Variants in COG7 observed in about 807,000 individuals in gnomAD.
COG7 encodes the protein component of oligomeric golgi complex 7.
In COG7, 49 loss-of-function variants were observed where a neutral mutation model predicts 91.5. The observed-to-expected ratio is 0.54, with a 90% CI of 0.43 to 0.68. COG7 has a LOEUF of 0.68. Among genes scored for constraint, COG7 ranks in the 30% least tolerant of loss-of-function variants. The probability of loss-of-function intolerance (pLI) is 0.00; values close to 1 mark genes in which losing one functional copy is unlikely to be tolerated. For missense variants in COG7, 895 were observed against 961.3 expected (o/e 0.93, Z 0.91); for synonymous variants, 365 against 388.7 (o/e 0.94, Z 0.72).
At chr16:23,392,234 C>T (rs765122780) in intron 16 of COG7, 146 bp downstream of exon 16, 3 of 1,521,642 alleles carry the variant, frequency 2.0e-6, no homozygotes, top group Admixed American at 3.9e-5. Flanking sequence ...GCCTGGAGAA[C>T]CTGAATTTTC....
chr16:23,444,460 G>T (rs1026993468), intron 3 of COG7, among the ~76,000 whole-genome samples: 2 of 149,334 alleles, frequency 1.3e-5, no homozygotes, highest in Non-Finnish European at 3.0e-5. Flanking sequence ...CCACCCTCTC[G>T]TCCATTTACC....
At chr16:23,422,127 T>C (rs1330214578) in intron 7 of COG7, among the ~76,000 whole-genome samples, 6 of 151,842 alleles carry the variant, frequency 4.0e-5, no homozygotes, top group South Asian at 2.1e-4. Context: ...CTGAGCAAAA[T>C]AGGAAGACCC....
chr16:23,389,096 C>G lies in COG7; in HGVS notation c.2147-10G>C. ...ACGTTGATCAGATAGTCTGTGGGGGCGGAGAGGAGACAGACAGAGCTCCAC... is the reference window on the plus strand; with the variant it reads ...ACGTTGATCAGATAGTCTGTGGGGGGGGAGAGGAGACAGACAGAGCTCCAC... On this transcript the variant is annotated splice_polypyrimidine_tract_variant and intron_variant, in intron 16 of 16. Transcript: ENST00000307149. 6.2e-7 allele frequency: 1 copy of G among 1,613,066 alleles called. No homozygotes were observed. Among genetic ancestry groups the G allele is most frequent in the East Asian group, 2.2e-5 (1 of 44,838 alleles).
Position 23,417,100 on chromosome 16 carries a change from A to C in COG7, c.1159T>G (p.Cys387Gly). ...VPLEHGEVID[C>G]VQELSHSVNK... ...ACGGAGTGGCTCAGCTCCTGCACACAGTCAATCACTTCCCCATGCTCCTGG... is the reference window on the plus strand; with the variant it reads ...ACGGAGTGGCTCAGCTCCTGCACACCGTCAATCACTTCCCCATGCTCCTGG... Residue 387 changes from cysteine to glycine, a missense_variant, in exon 9 of 17, where the codon TGT (cysteine) becomes GGT (glycine). Physicochemically the swap from Cys to Gly is radical, Grantham distance 159. Transcript: ENST00000307149. 6.2e-7 allele frequency: 1 copy of C among 1,614,248 alleles called. No homozygotes were observed. Among genetic ancestry groups the C allele is most frequent in the South Asian group, 1.1e-5 (1 of 91,082 alleles).
At chr16:23,400,382 A>T (rs753531695) in intron 13 of COG7, among the ~76,000 whole-genome samples, 3 of 152,152 alleles carry the variant, frequency 2.0e-5, no homozygotes, top group Non-Finnish European at 2.9e-5. Flanking sequence ...GTCGGCAAAG[A>T]GGGGTGCAGC....
At chr16:23,424,629 A>G in intron 7 of COG7, 120 bp downstream of exon 7, 3 of 1,048,166 alleles carry the variant, frequency 2.9e-6, no homozygotes, top group Non-Finnish European at 4.5e-6. Context: ...GAAGGAAAAC[A>G]CCGATCCCTT....
chr16:23,451,747 G>A (rs909990995), intron 1 of COG7, among the ~76,000 whole-genome samples: 3 of 146,798 alleles, frequency 2.0e-5, no homozygotes, highest in African/African-American at 5.1e-5. Flanking sequence ...AAAAAAAAAG[G>A]TTTAAGTCTC....
At chr16:23,408,853 G>C (rs1376500906) in intron 11 of COG7, among the ~76,000 whole-genome samples, 1 of 151,818 alleles carries the variant, frequency 6.6e-6, no homozygotes, top group African/African-American at 2.4e-5. Context: ...TTAGGAGCAC[G>C]AATGGGGACA....
intron 7 of COG7, among the ~76,000 whole-genome samples, chr16:23,419,748 CAAAA>C (rs60636268): frequency 3.6e-5 from 2 of 55,248 alleles, no homozygotes; most frequent in Non-Finnish European, 3.6e-5. Flanking sequence ...GACTTCATCT[CAAAA>C]AAAAAAAAAA....
rs190709345 is a variant in COG7 at position 23,399,059 on chromosome 16, G to A, written c.1804-930C>T. Among the ~76,000 whole-genome samples, 1,100 of 152,246 alleles carry A rather than the reference G, an allele frequency of 7.2e-3. 36 individuals carry two copies. The highest frequency in any genetic ancestry group is 0.053 in the Admixed American group (811 of 15,294). ...CTGGCTGAACTCCGGGAGTGACTCC[G>A]GCGGTCATGTAGGAACTGCTGTCTG... is the stretch of plus-strand genomic sequence containing the variant. On this transcript the variant is annotated intron_variant, in intron 13 of 16. Coordinates refer to ENST00000307149, the MANE Select transcript of COG7 (RefSeq NM_153603.4).
chr16:23,424,755 G>A lies in COG7; in HGVS notation c.1003C>T (p.His335Tyr), dbSNP rs1256763937. ...AKGLEMALLPHLHEHNLVKVT... is the reference protein window; with the variant it reads ...AKGLEMALLPYLHEHNLVKVT... ...GGCAGGAAGGAATGTTTACGTAGGT[G>A]GGGGAGCAGTGCCATCTCCAAGCCC... The change falls in exon 7 of 17, where the codon CAC (histidine) becomes TAC (tyrosine). Residue 335 changes from histidine (H) to tyrosine (Y), a missense_variant. His to Tyr is a moderately conservative substitution (Grantham distance 83). Coordinates refer to ENST00000307149, the MANE Select transcript of COG7 (RefSeq NM_153603.4). 4 of 1,613,996 alleles carry A rather than the reference G, an allele frequency of 2.5e-6. No individual in the cohort carries two copies. Among genetic ancestry groups the A allele is most frequent in the Non-Finnish European group, 3.4e-6 (4 of 1,179,936 alleles).
Position 23,424,757 on chromosome 16 carries a change from G to A in COG7, c.1001C>T (p.Pro334Leu). The change falls in exon 7 of 17, where the codon CCC (proline) becomes CTC (leucine). Residue 334 changes from proline (P) to leucine (L), a missense_variant. Physicochemically the swap from Pro to Leu is moderately conservative, Grantham distance 98. Transcript: ENST00000307149. Reference sequence around the variant, plus strand: ...CAGGAAGGAATGTTTACGTAGGTGGGGGAGCAGTGCCATCTCCAAGCCCTT... The same window carrying A: ...CAGGAAGGAATGTTTACGTAGGTGGAGGAGCAGTGCCATCTCCAAGCCCTT... ...FAKGLEMALLPHLHEHNLVKV... is the reference protein window; with the variant it reads ...FAKGLEMALLLHLHEHNLVKV... 6.2e-7 allele frequency: 1 copy of A among 1,614,202 alleles called. No homozygotes were observed. The highest frequency in any genetic ancestry group is 8.5e-7 in the Non-Finnish European group (1 of 1,180,008).
At position 23,418,949 on chromosome 16, in the gene COG7, A is replaced by AT. The variant is rs1034933858; in HGVS notation, c.1010-123dup. ...CCATTTGATCTCCAGAGGGGACTATATTTTGTTAAGCAGCTTTTATCATTC... is the reference window on the plus strand; with the variant it reads ...CCATTTGATCTCCAGAGGGGACTATATTTTTGTTAAGCAGCTTTTATCATTC... On this transcript the variant is annotated intron_variant, in intron 7 of 16. Coordinates refer to ENST00000307149, the MANE Select transcript of COG7 (RefSeq NM_153603.4). 3 of 838,230 alleles carry AT rather than the reference A, an allele frequency of 3.6e-6. No homozygotes were observed. The African/African-American group carries it at 5.0e-5, about 14-fold the overall frequency. 51.9% of individuals were successfully genotyped at this position (838,230 alleles called of 1,614,324 possible). A position where few individuals can be genotyped will look rare whatever the true frequency, so the allele number is the denominator to read the frequency against.
intron 4 of COG7, among the ~76,000 whole-genome samples, chr16:23,437,694 C>T (rs1964033077): frequency 6.6e-6 from 1 of 152,106 alleles, no homozygotes; most frequent in East Asian, 1.9e-4. Flanking sequence ...AATACCAGGC[C>T]CAGAACAAAA....
intron 1 of COG7, chr16:23,446,895 GCA>G (rs967141656): frequency 1.3e-5 from 2 of 151,618 alleles, no homozygotes; most frequent in Non-Finnish European, 2.9e-5. Flanking sequence ...GGGACTACAG[GCA>G]CACACCACCA....
At chr16:23,421,610 A>G (rs2142078913) in intron 7 of COG7, among the ~76,000 whole-genome samples, 1 of 152,172 alleles carries the variant, frequency 6.6e-6, no homozygotes. Context: ...CTAAAATGGC[A>G]TATCAGTAAT....
intron 6 of COG7, among the ~76,000 whole-genome samples, chr16:23,429,556 G>C (rs1054453785): frequency 6.6e-6 from 1 of 152,024 alleles, no homozygotes; most frequent in Non-Finnish European, 1.5e-5. Context: ...CTGAGGTCAG[G>C]AGTTCGAGAC....
rs188529189 is a variant in COG7, at chr16:23,401,950, G to A, written c.1803+1744C>T. Among the ~76,000 whole-genome samples, 10 of 152,208 alleles carry A rather than the reference G, an allele frequency of 6.6e-5. No homozygotes were observed. The East Asian group carries it at 1.7e-3, about 26-fold the overall frequency. ...CAGGCGCCTATAGTCCCAGCTACTC[G>A]AGAAGCTGAGGCAGGAGGATCACTT... On this transcript the variant is annotated intron_variant, in intron 13 of 16. Coordinates refer to ENST00000307149, the MANE Select transcript of COG7 (RefSeq NM_153603.4).
chr16:23,392,581 A>G, intron 15 of COG7, 58 bp from the exon 16 acceptor site: 1 of 1,602,460 alleles, frequency 6.2e-7, no homozygotes, highest in Non-Finnish European at 8.5e-7. Flanking sequence ...TGCTGAATGC[A>G]CCAAAGTACC....
Sources: gnomAD v4.1 joint callset for allele counts (sites outside exome capture counted in the v4.1 genomes callset) on GRCh38, gnomAD v4.1.1 for gene constraint, MANE v1.5 for transcripts, NCBI Gene and HGNC (gene_info 2026-07-23, HGNC 2026-07-21) for gene names.